Variants in METTL15 observed in about 807,000 individuals in gnomAD.
The protein encoded by METTL15 is 12S rRNA N(4)-cytidine methyltransferase METTL15.
METTL15 carries 34 observed loss-of-function variants against 38.3 expected under a neutral mutation model. The observed-to-expected ratio is 0.89, with a 90% CI of 0.68 to 1.18. The LOEUF (loss-of-function observed/expected upper bound fraction) is 1.18, where lower values mean the gene tolerates loss of function less well. Ranked by LOEUF, METTL15 falls within the 50% of genes most tolerant of loss-of-function variation. METTL15 has a pLI of 0.00. For synonymous variants in METTL15, 162 were observed against 170.9 expected, an observed-to-expected ratio of 0.95 and a Z score of 0.41; for missense variants, 438 against 498.4, an observed-to-expected ratio of 0.88 and a Z score of 1.15.
chr11:28,167,412 C>G (rs576293268), intron 3 of METTL15, among the ~76,000 whole-genome samples: 3 of 152,110 alleles, frequency 2.0e-5, no homozygotes, highest in Non-Finnish European at 2.9e-5. Context: ...GTCCACCTTG[C>G]GAATCTGTCA....
chr11:28,236,309 A>G (rs907005328), intron 4 of METTL15, among the ~76,000 whole-genome samples: 2 of 152,162 alleles, frequency 1.3e-5, no homozygotes, highest in African/African-American at 2.4e-5. Context: ...TGTCAGGATG[A>G]TGCTGGCCTC....
At chr11:28,217,154 T>A (rs1230447837) in intron 4 of METTL15, among the ~76,000 whole-genome samples, 3 of 152,190 alleles carry the variant, frequency 2.0e-5, no homozygotes, top group Non-Finnish European at 1.5e-5. Flanking sequence ...TCCATAACGG[T>A]TGAACTAGTT....
At chr11:28,519,784 A>C (rs1169612819) in intron 6 of METTL15, among the ~76,000 whole-genome samples, 2 of 152,158 alleles carry the variant, frequency 1.3e-5, no homozygotes, top group Non-Finnish European at 2.9e-5. Flanking sequence ...AATAGCATAG[A>C]CATCACTGAC....
intron 6 of METTL15, among the ~76,000 whole-genome samples, chr11:28,306,195 G>T (rs1173039377): frequency 6.6e-6 from 1 of 152,082 alleles, no homozygotes; most frequent in East Asian, 1.9e-4. Flanking sequence ...AATGCATCCT[G>T]TTACCTCATT....
At chr11:28,258,772 A>T (rs1261390205) in intron 4 of METTL15, among the ~76,000 whole-genome samples, 1 of 152,112 alleles carries the variant, frequency 6.6e-6, no homozygotes, top group Non-Finnish European at 1.5e-5. Flanking sequence ...CCTTGAGGGC[A>T]GTGGACTCCC....
chr11:28,371,479 A>G (rs1276521920), intron 5 of METTL15, among the ~76,000 whole-genome samples: 1 of 151,820 alleles, frequency 6.6e-6, no homozygotes, highest in Non-Finnish European at 1.5e-5. Context: ...CAGCTTTGTT[A>G]TTTTTGATCA....
At chr11:28,410,355 T>C (rs1850714001) in intron 5 of METTL15, among the ~76,000 whole-genome samples, 1 of 152,106 alleles carries the variant, frequency 6.6e-6, no homozygotes. Context: ...CTAATGAACA[T>C]TGATGCAAAA....
chr11:28,132,775 C>T (rs921878634), intron 3 of METTL15, among the ~76,000 whole-genome samples: 1 of 152,048 alleles, frequency 6.6e-6, no homozygotes, highest in Non-Finnish European at 1.5e-5. Context: ...ACCACAGATT[C>T]CTGAAAAGTT....
chr11:28,519,438 C>T (rs752986609), intron 6 of METTL15: 10 of 152,266 alleles, frequency 6.6e-5, no homozygotes, highest in Admixed American at 2.0e-4. Context: ...GCCAGTAGTC[C>T]TAGATACTCG....
At chr11:28,245,187 C>G (rs953572385) in intron 4 of METTL15, among the ~76,000 whole-genome samples, 1 of 152,214 alleles carries the variant, frequency 6.6e-6, no homozygotes, top group African/African-American at 2.4e-5. Flanking sequence ...AAATCCAGCT[C>G]TACCCTTACT....
intron 3 of METTL15, among the ~76,000 whole-genome samples, chr11:28,143,883 C>G (rs1849788033): frequency 6.6e-6 from 1 of 152,180 alleles, no homozygotes; most frequent in African/African-American, 2.4e-5. Context: ...CTTTTGACAT[C>G]TGACTGGAAC....
At chr11:28,274,553 A>G (rs1197622882) in intron 4 of METTL15, among the ~76,000 whole-genome samples, 5 of 152,022 alleles carry the variant, frequency 3.3e-5, no homozygotes, top group Admixed American at 1.3e-4. Context: ...AACTTATTTT[A>G]TATTAAAATG....
At chr11:28,360,544 C>T (rs762440094) in intron 4 of METTL15, among the ~76,000 whole-genome samples, 1 of 152,076 alleles carries the variant, frequency 6.6e-6, no homozygotes, top group Non-Finnish European at 1.5e-5. Flanking sequence ...GTCAGAGCTA[C>T]AGAAAGAAAC....
At chr11:28,224,947 TTAGTGACA>T (rs1423252799) in intron 4 of METTL15, among the ~76,000 whole-genome samples, 3 of 151,806 alleles carry the variant, frequency 2.0e-5, no homozygotes, top group African/African-American at 4.8e-5. Flanking sequence ...CACTAGTGAT[TTAGTGACA>T]CTAATCACTT....
At chr11:28,398,776 G>C (rs928028641) in intron 5 of METTL15, 1 of 151,910 alleles carries the variant, frequency 6.6e-6, no homozygotes, top group Non-Finnish European at 1.5e-5. Flanking sequence ...TACTGCCTCT[G>C]TTTTCTTCTA....
At chr11:28,383,151 T>C (rs1850406380) in intron 5 of METTL15, among the ~76,000 whole-genome samples, 1 of 152,142 alleles carries the variant, frequency 6.6e-6, no homozygotes, top group Admixed American at 6.6e-5. Context: ...CAGTATCTAT[T>C]GTCGCCTTCT....
rs1169344597 is a variant in METTL15 at position 28,177,380 on chromosome 11, G to A, written c.271-33682G>A. ...GAAAAATGCTGGTTTCTTCAAAGAT[G>A]ATTGAAACAAATGTCTTCAAATTTG... On this transcript the variant is annotated intron_variant, in intron 3 of 6. Coordinates refer to ENST00000407364, the MANE Select transcript of METTL15 (RefSeq NM_001113528.2). Among the ~76,000 whole-genome samples, 4 of 152,134 alleles carry A rather than the reference G, an allele frequency of 2.6e-5. No homozygotes were observed. In the East Asian group the frequency reaches 7.7e-4, roughly 29 times the overall value.
At chr11:28,376,854 G>C (rs1850319752) in intron 5 of METTL15, among the ~76,000 whole-genome samples, 1 of 145,152 alleles carries the variant, frequency 6.9e-6, no homozygotes, top group South Asian at 2.3e-4. Flanking sequence ...GGGCAGGCCT[G>C]GTGGTGCCAA....
rs1565261113 is a variant in METTL15, at chr11:28,330,676, A to G, written c.1059A>G (p.Thr353=). 4.5e-6 allele frequency: 7 copies of G among 1,551,478 alleles called. No homozygotes were observed. The highest frequency in any genetic ancestry group is 3.3e-4 in the Middle Eastern group (2 of 5,986). ...GTGTTAGACAACAAGTGATGAAAAC[A>G]TCTCAATTGGGTTCAGATCACGAAA... The part of the protein sequence containing the change: ...NLSVRQQVMK[T]SQLGSDHENT... The change falls in exon 7 of 7, where the codon ACA becomes ACG. Residue 353 remains threonine (T), a synonymous_variant. Coordinates refer to ENST00000407364, the MANE Select transcript of METTL15 (RefSeq NM_001113528.2).
Sources: allele counts gnomAD v4.1 joint callset (sites outside exome capture counted in the v4.1 genomes callset), GRCh38; gene constraint gnomAD v4.1.1; transcripts MANE v1.5; gene names NCBI Gene and HGNC (gene_info 2026-07-23, HGNC 2026-07-21).